Variants in RNF169 observed in about 807,000 individuals in gnomAD.
RNF169 encodes the protein ring finger protein 169, also known as E3 ubiquitin-protein ligase RNF169.
In RNF169, 24 loss-of-function variants were observed where a neutral mutation model predicts 53.9. The observed-to-expected ratio is 0.45, with a 90% confidence interval of 0.32 to 0.63. RNF169 has a LOEUF of 0.63. RNF169 is among the 20% of genes least tolerant of loss of function. The pLI, the probability that RNF169 is intolerant of heterozygous loss-of-function variation, is 0.04. For missense variants in RNF169, 883 were observed against 906.2 expected (o/e 0.97, Z 0.33); for synonymous variants, 396 against 363.5 (o/e 1.09, Z -1.02).
chr11:74,750,232 C>A (rs1195300043), intron 1 of RNF169, among the ~76,000 whole-genome samples: 3 of 152,200 alleles, frequency 2.0e-5, no homozygotes, highest in African/African-American at 7.2e-5. Context: ...TAAAATAAGA[C>A]TGTTATAACT....
rs1476727543 is a variant in RNF169 at position 74,836,586 on chromosome 11, G to T, written c.1983G>T (p.Gln661His). Residue 661 changes from glutamine (Q) to histidine (H), a missense_variant, in exon 6 of 6, where the codon CAG becomes CAT. By Grantham distance (24) the Gln-to-His change is conservative. Coordinates refer to ENST00000299563, the MANE Select transcript of RNF169 (RefSeq NM_001098638.2). ...PTDPVLREMEQKLQQEEEDRQ... is the reference protein window; with the variant it reads ...PTDPVLREMEHKLQQEEEDRQ... Reference sequence around the variant, plus strand: ...ACCCAGTCCTGCGAGAGATGGAGCAGAAGCTTCAGCAAGAGGAAGAAGACC... The same window carrying T: ...ACCCAGTCCTGCGAGAGATGGAGCATAAGCTTCAGCAAGAGGAAGAAGACC... 1.2e-6 allele frequency: 2 copies of T among 1,614,016 alleles called. No individual in the cohort carries two copies. The highest frequency in any genetic ancestry group is 1.7e-6 in the Non-Finnish European group (2 of 1,180,054).
At chr11:74,782,531 C>G (rs1420957603) in intron 1 of RNF169, among the ~76,000 whole-genome samples, 1 of 152,072 alleles carries the variant, frequency 6.6e-6, no homozygotes, top group Non-Finnish European at 1.5e-5. Context: ...ATCTGCTCCC[C>G]CCGCAACCCC....
chr11:74,785,199 T>TATATATATATG (rs1241673861), intron 1 of RNF169, among the ~76,000 whole-genome samples: 3 of 116,090 alleles, frequency 2.6e-5, no homozygotes, highest in African/African-American at 4.9e-5. Context: ...ATATATATGA[T>TATATATATATG]ATATATATAT....
At chr11:74,792,958 TC>T (rs1422447719) in intron 2 of RNF169, among the ~76,000 whole-genome samples, 2 of 152,172 alleles carry the variant, frequency 1.3e-5, no homozygotes, top group African/African-American at 2.4e-5. Flanking sequence ...TTATCCTACA[TC>T]CATTGTACAA....
rs1338527945 is a variant in RNF169, at chr11:74,840,772, T to C, written c.*4042T>C. ...AATCATCCAAGTTAAACTTCTTCTC[T>C]GCCCCCCGCCCCCACTTTTTTTTTT... On this transcript the variant is annotated 3_prime_UTR_variant, in exon 6 of 6. Transcript: ENST00000299563. The C allele has an allele frequency of 6.7e-6, 1 of 148,712 alleles. No homozygotes were observed. Among genetic ancestry groups the C allele is most frequent in the Non-Finnish European group, 1.5e-5 (1 of 67,626 alleles). 9.2% of individuals were successfully genotyped at this position (148,712 alleles called of 1,614,324 possible).
intron 1 of RNF169, among the ~76,000 whole-genome samples, chr11:74,777,473 T>C (rs2035352687): frequency 6.6e-6 from 1 of 152,168 alleles, no homozygotes; most frequent in African/African-American, 2.4e-5. Flanking sequence ...CTGTGTTTGA[T>C]TCTGTGACCT....
chr11:74,822,453 T>C (rs888988325), intron 4 of RNF169, among the ~76,000 whole-genome samples: 14 of 152,130 alleles, frequency 9.2e-5, no homozygotes, highest in Non-Finnish European at 1.9e-4. Flanking sequence ...TTTAAGCAAG[T>C]TGCTTTTCAG....
intron 1 of RNF169, among the ~76,000 whole-genome samples, chr11:74,772,049 C>T (rs929720638): frequency 2.0e-5 from 3 of 152,174 alleles, no homozygotes; most frequent in African/African-American, 7.2e-5. Context: ...ATTCTGTATT[C>T]AGCATTGTGG....
intron 3 of RNF169, among the ~76,000 whole-genome samples, chr11:74,811,056 T>C (rs935724650): frequency 6.6e-6 from 1 of 152,140 alleles, no homozygotes; most frequent in Non-Finnish European, 1.5e-5. Flanking sequence ...TGTTAAAATT[T>C]CAGGTTGTCT....
At chr11:74,777,636 G>T (rs187724825) in intron 1 of RNF169, among the ~76,000 whole-genome samples, 85 of 144,734 alleles carry the variant, frequency 5.9e-4, no homozygotes, top group Admixed American at 2.9e-3. Flanking sequence ...AATCCTGTTG[G>T]TCTCGGTTGT....
chr11:74,813,144 C>T (rs761249043), intron 3 of RNF169, among the ~76,000 whole-genome samples: 2 of 152,202 alleles, frequency 1.3e-5, no homozygotes, highest in African/African-American at 2.4e-5. Flanking sequence ...CCCAAACCCC[C>T]ACTTTGTAAC....
chr11:74,803,694 C>T (rs1468297724), intron 2 of RNF169, among the ~76,000 whole-genome samples: 2 of 152,106 alleles, frequency 1.3e-5, no homozygotes, highest in African/African-American at 4.8e-5. Context: ...TATAAATGAT[C>T]TCAGAATTTT....
At chr11:74,769,537 A>G (rs549710850) in intron 1 of RNF169, among the ~76,000 whole-genome samples, 4 of 152,356 alleles carry the variant, frequency 2.6e-5, no homozygotes, top group African/African-American at 9.6e-5. Context: ...TGATGCTCAC[A>G]TTACAGCACT....
intron 2 of RNF169, among the ~76,000 whole-genome samples, chr11:74,807,581 G>A (rs879723698): frequency 5.3e-4 from 80 of 152,210 alleles, no homozygotes; most frequent in Non-Finnish European, 9.6e-4. Flanking sequence ...AGGCTCTTCA[G>A]TATTTAATGT....
At chr11:74,753,538 C>T (rs1312234555) in intron 1 of RNF169, among the ~76,000 whole-genome samples, 1 of 152,104 alleles carries the variant, frequency 6.6e-6, no homozygotes, top group Non-Finnish European at 1.5e-5. Context: ...TTTGCCATAA[C>T]TTTCAATGGC....
At chr11:74,829,689 T>C (rs888854191) in intron 4 of RNF169, among the ~76,000 whole-genome samples, 5 of 152,344 alleles carry the variant, frequency 3.3e-5, no homozygotes, top group African/African-American at 1.2e-4. Flanking sequence ...TTATGTCCTT[T>C]GCAGGGGCAT....
rs1239827645 is a variant in RNF169, at chr11:74,749,214, G to A, written c.334G>A (p.Gly112Ser). 1 of 1,093,400 alleles carries A rather than the reference G, an allele frequency of 9.1e-7. No homozygotes were observed. Among genetic ancestry groups the A allele is most frequent in the Non-Finnish European group, 1.1e-6 (1 of 902,074 alleles). 67.7% of individuals were successfully genotyped at this position (1,093,400 alleles called of 1,614,324 possible). A position where few individuals can be genotyped will look rare whatever the true frequency, so the allele number is the denominator to read the frequency against. Residue 112 changes from glycine to serine, a missense_variant, in exon 1 of 6, where the codon GGC (glycine) becomes AGC (serine). Gly to Ser is a moderately conservative substitution (Grantham distance 56, BLOSUM62 0). This residue lies in a region of RNF169 where 313 missense variants were observed against 279.9 expected (regional missense o/e 1.12). Coordinates refer to ENST00000299563, the MANE Select transcript of RNF169 (RefSeq NM_001098638.2). Reference protein sequence around the residue: ...GCPRCRARGPGWARRRARDDG... With the variant: ...GCPRCRARGPSWARRRARDDG... ...CCCTCGCTGCCGCGCCCGCGGCCCA[G>A]GCTGGGCCCGCCGTCGGGCCCGCGA...
At chr11:74,749,615 A>C (rs1056952004) in intron 1 of RNF169, among the ~76,000 whole-genome samples, 2 of 152,188 alleles carry the variant, frequency 1.3e-5, no homozygotes, top group Non-Finnish European at 2.9e-5. Flanking sequence ...TGCCTTACGT[A>C]AGTCCGAAGT....
At chr11:74,800,885 G>A (rs2035719325) in intron 2 of RNF169, among the ~76,000 whole-genome samples, 1 of 152,170 alleles carries the variant, frequency 6.6e-6, no homozygotes, top group Admixed American at 6.5e-5. Context: ...AGCTAAACAT[G>A]TGACTGATAA....
Sources: allele counts gnomAD v4.1 joint callset (sites outside exome capture counted in the v4.1 genomes callset), GRCh38; gene constraint gnomAD v4.1.1; regional missense constraint gnomAD v4.1.1; transcripts MANE v1.5; gene names NCBI Gene and HGNC (gene_info 2026-07-23, HGNC 2026-07-21).